FAM219A: variants seen among roughly 807,000 people sequenced by gnomAD.
FAM219A encodes protein FAM219A.
A neutral mutation model predicts 23.4 loss-of-function variants in FAM219A; 7 were observed. The observed-to-expected ratio is 0.30, with a 90% CI of 0.17 to 0.56. FAM219A has a LOEUF of 0.56. Ranked by LOEUF, FAM219A falls within the 20% of genes least tolerant of loss-of-function variation. The pLI, the probability that FAM219A is intolerant of heterozygous loss-of-function variation, is 0.92. For missense variants in FAM219A, 166 were observed against 246.9 expected, an observed-to-expected ratio of 0.67 and a Z score of 2.20; for synonymous variants, 93 against 99.0, an observed-to-expected ratio of 0.94 and a Z score of 0.36.
chr9:34,417,028 TTCCCTCC>T lies in FAM219A; in HGVS notation c.61-11071_61-11065del, dbSNP rs1822063955. On this transcript the variant is annotated intron_variant, in intron 1 of 5. Transcript: ENST00000651358. The surrounding 1 kb of genome is among the most constrained non-coding windows in gnomAD (Gnocchi z 4.1). The stretch of plus-strand genomic sequence containing the variant: ...CTTCTTCCTTCTTCCTTCTTCCCTC[TTCCCTCC>T]TCCTTCTTCCCCTTCCCTTTCCCCT... Among the ~76,000 whole-genome samples the T allele has an allele frequency of 6.6e-6, 1 of 151,684 alleles. No individual in the cohort carries two copies. Among genetic ancestry groups the T allele is most frequent in the Non-Finnish European group, 1.5e-5 (1 of 67,936 alleles).
Position 34,398,639 on chromosome 9 carries a change from C to T in FAM219A, c.*2325G>A, listed in dbSNP as rs564362768. The T allele has an allele frequency of 3.6e-5, 17 of 476,586 alleles. No individual in the cohort carries two copies. The South Asian group carries it at 3.7e-4, about 10-fold the overall frequency. 29.5% of individuals were successfully genotyped at this position (476,586 alleles called of 1,614,324 possible). On this transcript the variant is annotated 3_prime_UTR_variant, in exon 6 of 6. Transcript: ENST00000651358. ...GGCCACAGAGATTGAACAATGGGCC[C>T]GAGTCACACTGCAAGTCAGCAGCAA...
At chr9:34,421,009 T>TGTGAGAGAGAGAGA (rs1554677406) in intron 1 of FAM219A, among the ~76,000 whole-genome samples, 255 of 86,402 alleles carry the variant, frequency 3.0e-3, no homozygotes, top group Non-Finnish European at 4.0e-3. Flanking sequence ...TGTGTGTGTG[T>TGTGAGAGAGAGAGA]GAGAGAGAGA....
intron 1 of FAM219A, among the ~76,000 whole-genome samples, chr9:34,455,465 A>ATTTT (rs11394221): frequency 2.3e-5 from 3 of 129,692 alleles, no homozygotes; most frequent in African/African-American, 8.9e-5. Flanking sequence ...TGCTATCTTG[A>ATTTT]TTTTTTTTTT....
intron 1 of FAM219A, among the ~76,000 whole-genome samples, chr9:34,420,685 AAGAG>A (rs1182717475): frequency 6.6e-6 from 1 of 152,118 alleles, no homozygotes; most frequent in Non-Finnish European, 1.5e-5. Flanking sequence ...GTGCTTAAGA[AAGAG>A]AAAGACCAGG....
At chr9:34,447,193 T>C (rs573361544) in intron 1 of FAM219A, among the ~76,000 whole-genome samples, 93 of 152,362 alleles carry the variant, frequency 6.1e-4, no homozygotes, top group African/African-American at 2.1e-3. Flanking sequence ...TTAACCTGTA[T>C]TGGCAGTAAG....
chr9:34,425,781 C>T lies in FAM219A; in HGVS notation c.61-19817G>A, dbSNP rs117260534. ...GACTTTTCCCAAAACTCTGACCTTG[C>T]GGACCTACTGCATTATTTAAAAAAA... is the stretch of plus-strand genomic sequence containing the variant. On this transcript the variant is annotated intron_variant, in intron 1 of 5. Coordinates refer to ENST00000651358, the MANE Select transcript of FAM219A (RefSeq NM_001184940.2). Among the ~76,000 whole-genome samples the T allele has an allele frequency of 1.6e-4, 24 of 152,170 alleles. No individual in the cohort carries two copies. The South Asian group carries it at 4.3e-3, about 28-fold the overall frequency.
chr9:34,432,151 C>A (rs2131983496), intron 1 of FAM219A, among the ~76,000 whole-genome samples: 1 of 152,308 alleles, frequency 6.6e-6, no homozygotes, highest in Middle Eastern at 3.4e-3. Flanking sequence ...GAGCTTTGGG[C>A]CTCAGCTCTT....
rs1823783477 is a variant in FAM219A, at chr9:34,457,409, G to C, written c.60+795C>G. 6.5e-6 allele frequency: 1 copy of C among 152,944 alleles called. No homozygotes were observed. The highest frequency in any genetic ancestry group is 2.1e-4 in the South Asian group (1 of 4,834). The allele number at this position is 152,944 out of a possible 1,614,324, so 9.5% of individuals were successfully genotyped here. A position where few individuals can be genotyped will look rare whatever the true frequency, so the allele number is the denominator to read the frequency against. On this transcript the variant is annotated intron_variant, in intron 1 of 5. Transcript: ENST00000651358. This position sits in a 1 kb window ranked among gnomAD's most constrained non-coding sequence, Gnocchi z 5.1. The stretch of plus-strand genomic sequence containing the variant: ...AGCAGCGATGACATCATTCCTCCCT[G>C]ACTCCGGGACCGCGGACAGGCGGCA...
intron 1 of FAM219A, chr9:34,406,458 A>T: frequency 1.0e-6 from 1 of 985,366 alleles, no homozygotes; most frequent in Non-Finnish European, 1.2e-6. Context: ...CAGAGAACTG[A>T]CTGACCAAGC....
At chr9:34,403,473 G>A (rs1821524843) in intron 2 of FAM219A, among the ~76,000 whole-genome samples, 1 of 152,250 alleles carries the variant, frequency 6.6e-6, no homozygotes, top group African/African-American at 2.4e-5. Context: ...GGGAGGTGCA[G>A]GATGGGGCTA....
intron 1 of FAM219A, among the ~76,000 whole-genome samples, chr9:34,409,254 C>G (rs942826930): frequency 1.3e-5 from 2 of 152,256 alleles, no homozygotes; most frequent in Non-Finnish European, 2.9e-5. Context: ...CAAACATAAG[C>G]CTTTACTATG....
At chr9:34,402,150 A>T (rs966412986) in intron 4 of FAM219A, 2 of 1,454,000 alleles carry the variant, frequency 1.4e-6, no homozygotes, top group African/African-American at 1.4e-5. Flanking sequence ...CCATTGGATC[A>T]GTTGTCCCAG....
At chr9:34,421,403 C>A (rs1822278820) in intron 1 of FAM219A, among the ~76,000 whole-genome samples, 1 of 152,050 alleles carries the variant, frequency 6.6e-6, no homozygotes, top group African/African-American at 2.4e-5. Flanking sequence ...GAAAACAATA[C>A]TCAACTGCTA....
chr9:34,450,583 T>A (rs1823531439), intron 1 of FAM219A, among the ~76,000 whole-genome samples: 1 of 152,104 alleles, frequency 6.6e-6, no homozygotes, highest in Non-Finnish European at 1.5e-5. Context: ...CATGCCCGGC[T>A]AATTTTTGTA....
chr9:34,432,672 C>T (rs1202435749), intron 1 of FAM219A, among the ~76,000 whole-genome samples: 1 of 152,112 alleles, frequency 6.6e-6, no homozygotes, highest in Non-Finnish European at 1.5e-5. Context: ...ATATCTCTAG[C>T]TCTGACCTCT....
intron 1 of FAM219A, among the ~76,000 whole-genome samples, chr9:34,438,121 C>T (rs1431292583): frequency 6.6e-6 from 1 of 152,208 alleles, no homozygotes. Flanking sequence ...AGCCCACGGG[C>T]GCTGTGCTCG....
chr9:34,410,972 G>T (rs760733001), intron 1 of FAM219A, among the ~76,000 whole-genome samples: 3 of 152,180 alleles, frequency 2.0e-5, no homozygotes, highest in Non-Finnish European at 4.4e-5. Flanking sequence ...TATACCCTTA[G>T]CACTATATCC....
intron 1 of FAM219A, among the ~76,000 whole-genome samples, chr9:34,426,455 C>T (rs2131973637): frequency 6.6e-6 from 1 of 152,184 alleles, no homozygotes; most frequent in East Asian, 1.9e-4. Flanking sequence ...TTCATCCTCC[C>T]CTTCCCCACC....
At chr9:34,424,659 C>G (rs1179491305) in intron 1 of FAM219A, among the ~76,000 whole-genome samples, 1 of 152,176 alleles carries the variant, frequency 6.6e-6, no homozygotes, top group Non-Finnish European at 1.5e-5. Context: ...CACGGACCTA[C>G]CAGGAGTGGC....
Sources: allele counts gnomAD v4.1 joint callset (sites outside exome capture counted in the v4.1 genomes callset), GRCh38; gene constraint gnomAD v4.1.1; non-coding constraint Gnocchi (gnomAD v3.1); transcripts MANE v1.5; gene names NCBI Gene and HGNC (gene_info 2026-07-23, HGNC 2026-07-21).